TMEM135: variants seen among roughly 807,000 people sequenced by gnomAD.
TMEM135 encodes the protein transmembrane protein 135, also known as peroxisomal membrane protein 52.
TMEM135 carries 30 observed loss-of-function variants against 60.3 expected under a neutral mutation model. That is an observed-to-expected ratio of 0.50 (90% CI 0.37 to 0.68). The LOEUF (loss-of-function observed/expected upper bound fraction) is 0.68, where lower values mean the gene tolerates loss of function less well. TMEM135 is among the 30% of genes least tolerant of loss of function. The pLI is 0.00. For synonymous variants in TMEM135, 190 were observed against 186.7 expected (o/e 1.02, Z -0.14); for missense variants, 468 against 548.8 (o/e 0.85, Z 1.47).
chr11:87,071,496 T>C, intron 2 of TMEM135, 27 bp from the exon 3 acceptor site: 1 of 1,581,018 alleles, frequency 6.3e-7, no homozygotes, highest in Non-Finnish European at 8.7e-7. Flanking sequence ...AGGAATTTCA[T>C]ACAAAAATTC....
intron 6 of TMEM135, chr11:87,277,142 A>G (rs1591162536): frequency 1.2e-5 from 2 of 168,276 alleles, no homozygotes; most frequent in East Asian, 3.8e-4. Flanking sequence ...TAAAAACAAG[A>G]TTTTTTTGAG....
chr11:87,279,985 T>A (rs1942031091), intron 6 of TMEM135, among the ~76,000 whole-genome samples: 1 of 152,254 alleles, frequency 6.6e-6, no homozygotes, highest in South Asian at 2.1e-4. Flanking sequence ...ATTAATTACC[T>A]GAATTTTATA....
chr11:87,110,423 C>T (rs113624220), intron 4 of TMEM135, among the ~76,000 whole-genome samples: 22 of 151,588 alleles, frequency 1.5e-4, no homozygotes, highest in Non-Finnish European at 2.6e-4. Context: ...TGCTTGCACT[C>T]CAGCCTGGGC....
chr11:87,281,241 A>G (rs1210733031), intron 6 of TMEM135, among the ~76,000 whole-genome samples: 1 of 152,204 alleles, frequency 6.6e-6, no homozygotes. Context: ...AACAACTACA[A>G]GAAACTTGGC....
chr11:87,271,685 G>C (rs957062843), intron 6 of TMEM135, among the ~76,000 whole-genome samples: 1 of 152,058 alleles, frequency 6.6e-6, no homozygotes, highest in African/African-American at 2.4e-5. Context: ...TGTAATCCTA[G>C]CACTTTGGGA....
chr11:87,219,467 G>A (rs189899337), intron 5 of TMEM135, among the ~76,000 whole-genome samples: 4 of 152,154 alleles, frequency 2.6e-5, no homozygotes, highest in Non-Finnish European at 5.9e-5. Context: ...GGGTGGTGGC[G>A]GGGCTGGGGG....
intron 4 of TMEM135, among the ~76,000 whole-genome samples, chr11:87,123,566 C>T (rs1225363690): frequency 7.9e-6 from 1 of 127,072 alleles, no homozygotes; most frequent in African/African-American, 2.8e-5. Flanking sequence ...CAAGAACCAA[C>T]ATACAATTTA....
intron 5 of TMEM135, among the ~76,000 whole-genome samples, chr11:87,226,407 T>A (rs1449582257): frequency 1.3e-5 from 2 of 152,202 alleles, no homozygotes. Flanking sequence ...AAAGGCTGGA[T>A]TTTTCCATAT....
intron 6 of TMEM135, chr11:87,259,017 A>T: frequency 6.6e-7 from 1 of 1,522,786 alleles, no homozygotes; most frequent in Non-Finnish European, 9.1e-7. Context: ...AAGTGGTCCC[A>T]ATCCACACGG....
At chr11:87,246,258 G>C (rs963226658) in intron 6 of TMEM135, among the ~76,000 whole-genome samples, 7 of 149,564 alleles carry the variant, frequency 4.7e-5, no homozygotes, top group African/African-American at 1.7e-4. Context: ...TGGGTAACCC[G>C]ACCTTTCTCT....
At position 87,302,376 on chromosome 11, in the gene TMEM135, A is replaced by G; in HGVS notation, c.632A>G (p.Glu211Gly). Reference protein sequence around the residue: ...AAYAKVEQKREQHEEKPGRMN... With the variant: ...AAYAKVEQKRGQHEEKPGRMN... ...TATGCAAAAGTGGAACAAAAGAGAG[A>G]GCAACATGAGGAAAAACCCGGAAGA... Residue 211 changes from glutamate (E) to glycine (G), a missense_variant, in exon 8 of 15, where the codon GAG becomes GGG. Physicochemically the swap from Glu to Gly is moderately conservative, Grantham distance 98. Transcript: ENST00000305494. 1 of 1,613,936 alleles carries G rather than the reference A, an allele frequency of 6.2e-7. No individual in the cohort carries two copies. The highest frequency in any genetic ancestry group is 1.3e-5 in the African/African-American group (1 of 75,038).
At chr11:87,116,868 G>C (rs778707281) in intron 4 of TMEM135, among the ~76,000 whole-genome samples, 1 of 151,868 alleles carries the variant, frequency 6.6e-6, no homozygotes, top group Non-Finnish European at 1.5e-5. Context: ...TGTCTCCCAG[G>C]ATAGAGTGCA....
At chr11:87,235,451 T>C (rs1197580866) in intron 5 of TMEM135, among the ~76,000 whole-genome samples, 2 of 152,046 alleles carry the variant, frequency 1.3e-5, no homozygotes, top group African/African-American at 2.4e-5. Context: ...TCAGGCTGTA[T>C]GTATAATGCT....
chr11:87,093,004 C>G (rs912392902), intron 4 of TMEM135, among the ~76,000 whole-genome samples: 4 of 151,986 alleles, frequency 2.6e-5, no homozygotes, highest in African/African-American at 9.7e-5. Context: ...AAATTCTTAT[C>G]CATCCCCTCT....
At chr11:87,189,040 A>G (rs963204395) in intron 5 of TMEM135, among the ~76,000 whole-genome samples, 8 of 151,540 alleles carry the variant, frequency 5.3e-5, no homozygotes, top group Non-Finnish European at 8.8e-5. Context: ...CATGTCTGTA[A>G]TAATGCTATT....
At chr11:87,233,916 A>G (rs940339228) in intron 5 of TMEM135, among the ~76,000 whole-genome samples, 1 of 152,106 alleles carries the variant, frequency 6.6e-6, no homozygotes, top group Non-Finnish European at 1.5e-5. Context: ...AATATTCTTC[A>G]TTATTTAACT....
chr11:87,301,546 C>T (rs1205809035), intron 7 of TMEM135, among the ~76,000 whole-genome samples: 1 of 152,128 alleles, frequency 6.6e-6, no homozygotes, highest in African/African-American at 2.4e-5. Flanking sequence ...GCCACTATGC[C>T]TGGCTCAAGT....
At chr11:87,249,491 C>T (rs1398203066) in intron 6 of TMEM135, among the ~76,000 whole-genome samples, 2 of 151,944 alleles carry the variant, frequency 1.3e-5, no homozygotes, top group Admixed American at 1.3e-4. Context: ...TTATTTTCTT[C>T]TGCTAATTTT....
At chr11:87,180,999 G>A (rs1296864224) in intron 5 of TMEM135, among the ~76,000 whole-genome samples, 1 of 152,110 alleles carries the variant, frequency 6.6e-6, no homozygotes, top group African/African-American at 2.4e-5. Flanking sequence ...AAGATGACCT[G>A]GATGCTGGAA....
Sources: gnomAD v4.1 joint callset for allele counts (sites outside exome capture counted in the v4.1 genomes callset) on GRCh38, gnomAD v4.1.1 for gene constraint, MANE v1.5 for transcripts, NCBI Gene and HGNC (gene_info 2026-07-23, HGNC 2026-07-21) for gene names.